Variants in SLC13A1 observed in about 807,000 individuals in gnomAD.
The protein encoded by SLC13A1 is solute carrier family 13 member 1.
Under a neutral mutation model 70.0 loss-of-function variants are expected in SLC13A1, and 65 were observed. The observed-to-expected ratio is 0.93, with a 90% CI of 0.76 to 1.14. SLC13A1 has a LOEUF of 1.14. Ranked by LOEUF, SLC13A1 falls within the 50% of genes most tolerant of loss-of-function variation. SLC13A1 has a pLI of 0.00. For missense variants in SLC13A1, 726 were observed against 717.8 expected (o/e 1.01, Z -0.13); for synonymous variants, 275 against 250.5 (o/e 1.10, Z -0.92).
At chr7:123,157,964 C>T (rs560139744) in intron 6 of SLC13A1, among the ~76,000 whole-genome samples, 2 of 152,122 alleles carry the variant, frequency 1.3e-5, no homozygotes, top group South Asian at 4.1e-4. Context: ...AATTCCTAAC[C>T]ATGAGCATTT....
Position 123,147,206 on chromosome 7 carries a change from T to G in SLC13A1, c.765A>C (p.Thr255=). 1.2e-6 allele frequency: 2 copies of G among 1,613,700 alleles called. No individual in the cohort carries two copies. The highest frequency in any genetic ancestry group is 1.7e-6 in the Non-Finnish European group (2 of 1,179,800). The change falls in exon 7 of 15, where the codon ACA becomes ACC. Residue 255 remains threonine, a synonymous_variant. Coordinates refer to ENST00000194130, the MANE Select transcript of SLC13A1 (RefSeq NM_022444.4). ...TCAAGTTGGTGGAGGTACCAGTGAT[T>G]GTTGTCAGTCCACCAATGGTAGAAG... is the stretch of plus-strand genomic sequence containing the variant. The part of the protein sequence containing the change: ...AYSSTIGGLT[T]ITGTSTNLIF...
chr7:123,151,112 T>A (rs1257486440), intron 6 of SLC13A1, among the ~76,000 whole-genome samples: 1 of 151,826 alleles, frequency 6.6e-6, no homozygotes, highest in African/African-American at 2.4e-5. Context: ...TCACTTGAGG[T>A]CAGGAATTCT....
At chr7:123,173,022 ATAACT>A (rs1347382320) in intron 2 of SLC13A1, among the ~76,000 whole-genome samples, 1 of 152,104 alleles carries the variant, frequency 6.6e-6, no homozygotes, top group African/African-American at 2.4e-5. Flanking sequence ...GGTATTCAAG[ATAACT>A]TACTTTAAGA....
intron 7 of SLC13A1, among the ~76,000 whole-genome samples, chr7:123,146,507 C>T (rs1008616858): frequency 6.6e-6 from 1 of 152,054 alleles, no homozygotes; most frequent in African/African-American, 2.4e-5. Context: ...AGAGTGAGAC[C>T]CTGTCTCAGA....
At chr7:123,162,009 T>C (rs996695533) in intron 6 of SLC13A1, among the ~76,000 whole-genome samples, 1 of 151,720 alleles carries the variant, frequency 6.6e-6, no homozygotes, top group Non-Finnish European at 1.5e-5. Flanking sequence ...AAAATCAATT[T>C]GGAGACAAAC....
chr7:123,166,581 T>TGTGTGG (rs1409882940), intron 6 of SLC13A1, among the ~76,000 whole-genome samples: 1 of 152,064 alleles, frequency 6.6e-6, no homozygotes, highest in African/African-American at 2.4e-5. Context: ...TGTGTGACGT[T>TGTGTGG]CCCCTTCCTG....
At chr7:123,195,054 T>C (rs1351112233) in intron 1 of SLC13A1, among the ~76,000 whole-genome samples, 1 of 152,162 alleles carries the variant, frequency 6.6e-6, no homozygotes, top group Non-Finnish European at 1.5e-5. Flanking sequence ...TTCTGCAAGC[T>C]ACATAAAGAC....
chr7:123,181,142 G>C, intron 1 of SLC13A1, 41 bp from the exon 2 acceptor site: 1 of 1,590,386 alleles, frequency 6.3e-7, no homozygotes, highest in Middle Eastern at 1.7e-4. Flanking sequence ...ATATTATGAG[G>C]CTGGAGAAGT....
At chr7:123,129,268 T>C in intron 9 of SLC13A1, 115 bp downstream of exon 9, 1 of 888,260 alleles carries the variant, frequency 1.1e-6, no homozygotes, top group Non-Finnish European at 1.7e-6. Context: ...CAAGCAATTA[T>C]GTGCTTGTTT....
chr7:123,190,171 T>C (rs544852047), intron 1 of SLC13A1, among the ~76,000 whole-genome samples: 1 of 152,340 alleles, frequency 6.6e-6, no homozygotes, highest in East Asian at 1.9e-4. Flanking sequence ...TTTCATCTTG[T>C]AGTATACTAT....
In SLC13A1 at chr7:123,153,499, G is replaced by T. The variant is rs114508814; in HGVS notation, c.661-6189C>A. ...ATCATTATTTTTACCGAGTGCTTGT[G>T]TTCGCTGGGCTGAACACAGAAGAGA... is the stretch of plus-strand genomic sequence containing the variant. On this transcript the variant is annotated intron_variant, in intron 6 of 14. Transcript: ENST00000194130. 2.7e-3 allele frequency among the ~76,000 whole-genome samples: 405 copies of T among 152,124 alleles called. 2 individuals carry two copies. The highest frequency in any genetic ancestry group is 8.9e-3 in the African/African-American group (369 of 41,526).
intron 13 of SLC13A1, among the ~76,000 whole-genome samples, chr7:123,118,047 T>G (rs2116245782): frequency 6.6e-6 from 1 of 152,012 alleles, no homozygotes; most frequent in African/African-American, 2.4e-5. Flanking sequence ...TACTATAACC[T>G]CAAATAACAT....
At chr7:123,126,944 T>C (rs1460493204) in intron 10 of SLC13A1, among the ~76,000 whole-genome samples, 2 of 152,092 alleles carry the variant, frequency 1.3e-5, no homozygotes, top group Admixed American at 6.6e-5. Flanking sequence ...TGATACATCA[T>C]GTTAGCTTTA....
At chr7:123,130,835 CA>C (rs1171142567) in intron 8 of SLC13A1, among the ~76,000 whole-genome samples, 1 of 152,092 alleles carries the variant, frequency 6.6e-6, no homozygotes, top group Non-Finnish European at 1.5e-5. Context: ...TAGTAACTGC[CA>C]CTTTTTATTG....
intron 8 of SLC13A1, among the ~76,000 whole-genome samples, chr7:123,131,201 A>C (rs1052351249): frequency 6.6e-6 from 1 of 152,314 alleles, no homozygotes; most frequent in South Asian, 2.1e-4. Context: ...ATTAGGAAAT[A>C]ATTGCTTTTT....
chr7:123,170,106 GA>G (rs1013047477), intron 3 of SLC13A1, among the ~76,000 whole-genome samples: 8 of 152,018 alleles, frequency 5.3e-5, no homozygotes, highest in African/African-American at 1.9e-4. Flanking sequence ...CACACTTGGG[GA>G]AAAAAATGAT....
chr7:123,132,697 A>C (rs753989597), intron 8 of SLC13A1, among the ~76,000 whole-genome samples: 2 of 152,218 alleles, frequency 1.3e-5, no homozygotes, highest in Non-Finnish European at 2.9e-5. Flanking sequence ...GGTGAATAAC[A>C]TGCTGTTTTA....
At position 123,147,265 on chromosome 7, in the gene SLC13A1, T is replaced by A; in HGVS notation, c.706A>T (p.Thr236Ser). The A allele has an allele frequency of 6.2e-7, 1 of 1,613,688 alleles. No homozygotes were observed. The highest frequency in any genetic ancestry group is 8.5e-7 in the Non-Finnish European group (1 of 1,179,802). ...ATGCACAAACACGTAAGTTTACGTG[T>A]CACGTGGCCCTTCTTTGTTCGATAT... Reference protein sequence around the residue: ...TKYRTKKGHVTRKLTCLCIAY... With the variant: ...TKYRTKKGHVSRKLTCLCIAY... Residue 236 changes from threonine to serine, a missense_variant, in exon 7 of 15, where the codon ACA (threonine) becomes TCA (serine). Physicochemically the swap from Thr to Ser is moderately conservative, Grantham distance 58 (BLOSUM62 1). Transcript: ENST00000194130.
chr7:123,125,569 C>A lies in SLC13A1; in HGVS notation c.1240G>T (p.Val414Phe). The change falls in exon 11 of 15, where the codon GTT becomes TTT. Residue 414 changes from valine to phenylalanine, a missense_variant and splice_region_variant. By Grantham distance (50) the Val-to-Phe change is conservative. Transcript: ENST00000194130. ...TGCAGAATTATAAATGATACTCAAC[C>A]AATTTCTCCTGTAGGTGTAGTTTTA... ...LTKTTPTGEI[V>F]AFDYSPLITW... 2 of 1,593,842 alleles carry A rather than the reference C, an allele frequency of 1.3e-6. No homozygotes were observed. The highest frequency in any genetic ancestry group is 1.7e-6 in the Non-Finnish European group (2 of 1,168,312).
Sources: allele counts gnomAD v4.1 joint callset (sites outside exome capture counted in the v4.1 genomes callset), GRCh38; gene constraint gnomAD v4.1.1; transcripts MANE v1.5; gene names NCBI Gene and HGNC (gene_info 2026-07-23, HGNC 2026-07-21).